The following ACSF2 variants were observed in gnomAD, a reference collection of about 807,000 sequenced individuals.
The protein encoded by ACSF2 is medium-chain acyl-CoA ligase ACSF2, mitochondrial.
In ACSF2, 52 loss-of-function variants were observed where a neutral mutation model predicts 79.3. That is an observed-to-expected ratio of 0.66 (90% CI 0.53 to 0.83). The LOEUF (loss-of-function observed/expected upper bound fraction) is 0.83. ACSF2 is among the 40% of genes least tolerant of loss of function. The probability of loss-of-function intolerance (pLI) is 0.00; values close to 1 mark genes in which losing one functional copy is unlikely to be tolerated. For synonymous variants in ACSF2, 283 were observed against 312.6 expected, an observed-to-expected ratio of 0.91 and a Z score of 1.00; for missense variants, 661 against 803.3, an observed-to-expected ratio of 0.82 and a Z score of 2.14.
chr17:50,455,075 C>T (rs1195904244), intron 1 of ACSF2, among the ~76,000 whole-genome samples: 3 of 152,178 alleles, frequency 2.0e-5, no homozygotes, highest in East Asian at 1.9e-4. Context: ...CTCCGCCTCC[C>T]GGATTCAAGA....
intron 10 of ACSF2, 184 bp from the exon 11 acceptor site, chr17:50,470,844 G>T: frequency 1.7e-6 from 1 of 588,862 alleles, no homozygotes. Context: ...GATCTAGTCT[G>T]CTCACTCCCA....
In ACSF2 at chr17:50,463,504, C is replaced by T. The variant is rs1197077466; in HGVS notation, c.998C>T (p.Ser333Phe). The T allele has an allele frequency of 3.1e-6, 5 of 1,614,072 alleles. No individual in the cohort carries two copies. Among genetic ancestry groups the T allele is most frequent in the Non-Finnish European group, 4.2e-6 (5 of 1,180,048 alleles). The change falls in exon 8 of 16, where the codon TCT becomes TTT. Residue 333 changes from serine to phenylalanine, a missense_variant. Coordinates refer to ENST00000300441, the MANE Select transcript of ACSF2 (RefSeq NM_025149.6). This position sits in a 1 kb window ranked among gnomAD's most constrained non-coding sequence, Gnocchi z 4.6. Reference protein sequence around the residue: ...LMYGATLILASPIFNGKKALE... With the variant: ...LMYGATLILAFPIFNGKKALE... ...TACGGTGCCACCCTCATCCTGGCCT[C>T]TCCCATCTTCAATGGCAAGAAGGCA... is the stretch of plus-strand genomic sequence containing the variant.
chr17:50,469,153 G>T (rs1009109825), intron 10 of ACSF2: 7 of 519,430 alleles, frequency 1.3e-5, no homozygotes, highest in Admixed American at 6.4e-5. Flanking sequence ...GCCTTTCCCG[G>T]GGCTTTTCTG....
intron 1 of ACSF2, among the ~76,000 whole-genome samples, chr17:50,458,643 T>G (rs1438104889): frequency 6.6e-6 from 1 of 152,200 alleles, no homozygotes; most frequent in South Asian, 2.1e-4. Flanking sequence ...CCCTTATCTC[T>G]GCAAGGACAG....
intron 1 of ACSF2, among the ~76,000 whole-genome samples, chr17:50,435,574 C>T (rs1435843745): frequency 1.5e-5 from 2 of 134,284 alleles, no homozygotes; most frequent in Admixed American, 7.7e-5. Flanking sequence ...CAAAGCCCAG[C>T]TAATTTAAAA....
intron 1 of ACSF2, among the ~76,000 whole-genome samples, chr17:50,433,619 G>A (rs921488950): frequency 6.6e-6 from 1 of 152,080 alleles, no homozygotes; most frequent in African/African-American, 2.4e-5. Context: ...CCTGCAGCAT[G>A]GATGCCTCCT....
chr17:50,471,060 G>A lies in ACSF2; in HGVS notation c.1248G>A (p.Val416=). The A allele has an allele frequency of 1.2e-6, 2 of 1,614,094 alleles. No homozygotes were observed. The highest frequency in any genetic ancestry group is 8.5e-7 in the Non-Finnish European group (1 of 1,180,018). Residue 416 remains valine, a synonymous_variant, in exon 11 of 16, where the codon GTG becomes GTA. Transcript: ENST00000300441. The surrounding 1 kb of genome is among the most constrained non-coding windows in gnomAD (Gnocchi z 4.1). ...VAYGTTENSP[V]TFAHFPEDTV... ...ATGGAACCACAGAGAACAGTCCCGT[G>A]ACATTCGCGCACTTCCCTGAGGACA...
chr17:50,462,129 G>T, intron 4 of ACSF2, 55 bp from the exon 5 acceptor site: 11 of 1,507,532 alleles, frequency 7.3e-6, no homozygotes, highest in Non-Finnish European at 1.0e-5. Context: ...GACTCCCCCA[G>T]AGCTCTAGTC....
chr17:50,426,818 C>A, intron 1 of ACSF2: 1 of 1,369,478 alleles, frequency 7.3e-7, no homozygotes, highest in East Asian at 2.5e-5. Context: ...CTAAACTTAG[C>A]AGTCTCCTGT....
At chr17:50,468,760 C>G (rs1188366825) in intron 10 of ACSF2, 1 of 1,593,274 alleles carries the variant, frequency 6.3e-7, no homozygotes, top group East Asian at 2.3e-5. Context: ...CGGCCAGCGC[C>G]GGCAGCAGAC....
At chr17:50,470,930 C>T in intron 10 of ACSF2, 98 bp from the exon 11 acceptor site, 1 of 939,382 alleles carries the variant, frequency 1.1e-6, no homozygotes, top group Non-Finnish European at 1.7e-6. Context: ...TCCACTTTCC[C>T]TTTTCTTTTA....
At chr17:50,427,366 G>A (rs1915091070) in intron 1 of ACSF2, among the ~76,000 whole-genome samples, 2 of 152,302 alleles carry the variant, frequency 1.3e-5, no homozygotes, top group East Asian at 3.9e-4. Flanking sequence ...TTCTGAACTT[G>A]CTGATTTCTG....
intron 1 of ACSF2, among the ~76,000 whole-genome samples, chr17:50,457,609 T>C (rs915196686): frequency 5.9e-5 from 9 of 152,118 alleles, no homozygotes. Context: ...TTCTGTCCCA[T>C]GTACCCCTAG....
intron 1 of ACSF2, among the ~76,000 whole-genome samples, chr17:50,436,076 G>A (rs1291465363): frequency 1.3e-5 from 2 of 151,994 alleles, no homozygotes; most frequent in African/African-American, 4.8e-5. Context: ...TATAGAATGT[G>A]AGACTTAGTC....
chr17:50,469,294 T>G lies in ACSF2; in HGVS notation c.1216-1734T>G, dbSNP rs532085949. On this transcript the variant is annotated intron_variant, in intron 10 of 15. Coordinates refer to ENST00000300441, the MANE Select transcript of ACSF2 (RefSeq NM_025149.6). ...TCCACACACGCTCGGCCGGGTGCCCTGGATGCGAGGCGGGAGGAAGCGGGG... is the reference window on the plus strand; with the variant it reads ...TCCACACACGCTCGGCCGGGTGCCCGGGATGCGAGGCGGGAGGAAGCGGGG... 3.9e-4 allele frequency among the ~76,000 whole-genome samples: 60 copies of G among 152,304 alleles called. No homozygotes were observed. In the South Asian group the frequency reaches 0.011, roughly 27 times the overall value.
At chr17:50,468,253 C>T in intron 10 of ACSF2, 1 of 1,611,530 alleles carries the variant, frequency 6.2e-7, no homozygotes. Flanking sequence ...GGGCCCCGGG[C>T]TGCAGGGAGC....
chr17:50,448,543 A>G (rs565116268), intron 1 of ACSF2, among the ~76,000 whole-genome samples: 37 of 152,372 alleles, frequency 2.4e-4, no homozygotes, highest in Admixed American at 1.6e-3. Flanking sequence ...GTCTTCAAGT[A>G]TAACGAGTTT....
chr17:50,468,109 C>T (rs1459622576), intron 10 of ACSF2: 2 of 1,613,932 alleles, frequency 1.2e-6, no homozygotes, highest in South Asian at 2.2e-5. Flanking sequence ...AGGCATTGTC[C>T]GGGATGCTTT....
chr17:50,428,132 T>G (rs1341038749), intron 1 of ACSF2, among the ~76,000 whole-genome samples: 1 of 152,064 alleles, frequency 6.6e-6, no homozygotes, highest in Non-Finnish European at 1.5e-5. Flanking sequence ...AAGGCTGCAT[T>G]GAGCCGTCAT....
Sources: gnomAD v4.1 joint callset for allele counts (sites outside exome capture counted in the v4.1 genomes callset) on GRCh38, gnomAD v4.1.1 for gene constraint, Gnocchi (gnomAD v3.1) non-coding constraint, MANE v1.5 for transcripts, NCBI Gene and HGNC (gene_info 2026-07-23, HGNC 2026-07-21) for gene names.